The following CTNNA3 variants were observed in gnomAD, a reference collection of about 807,000 sequenced individuals.
The protein encoded by CTNNA3 is catenin alpha 3.
A neutral mutation model predicts 95.7 loss-of-function variants in CTNNA3; 76 were observed. That is an observed-to-expected ratio of 0.79 (90% CI 0.66 to 0.96). CTNNA3 has a LOEUF of 0.96. Ranked by LOEUF, CTNNA3 falls within the 40% of genes least tolerant of loss-of-function variation. CTNNA3 has a pLI of 0.00. For synonymous variants in CTNNA3, 431 were observed against 374.4 expected (o/e 1.15, Z -1.74); for missense variants, 1,191 against 1,089.8 (o/e 1.09, Z -1.31).
chr10:66,332,971 T>A (rs533606261), intron 12 of CTNNA3, among the ~76,000 whole-genome samples: 4 of 152,066 alleles, frequency 2.6e-5, no homozygotes, highest in Non-Finnish European at 4.4e-5. Context: ...TGTATGTGTC[T>A]AGGAATTTAT....
intron 17 of CTNNA3, among the ~76,000 whole-genome samples, chr10:65,942,331 A>G (rs555029121): frequency 1.3e-5 from 2 of 152,310 alleles, no homozygotes; most frequent in East Asian, 1.9e-4. Flanking sequence ...GATCGAGACC[A>G]TCCTGGCCAA....
intron 7 of CTNNA3, among the ~76,000 whole-genome samples, chr10:66,930,364 T>G (rs901491540): frequency 6.6e-6 from 1 of 152,210 alleles, no homozygotes; most frequent in Non-Finnish European, 1.5e-5. Context: ...CCTCACAGCT[T>G]ACTGGATGAC....
intron 11 of CTNNA3, among the ~76,000 whole-genome samples, chr10:66,465,145 C>T (rs1838859624): frequency 1.3e-5 from 2 of 152,036 alleles, no homozygotes; most frequent in South Asian, 4.1e-4. Context: ...CAAAATGTCC[C>T]AATAGATACA....
intron 9 of CTNNA3, among the ~76,000 whole-genome samples, chr10:66,645,407 G>A (rs550019560): frequency 7.2e-5 from 11 of 152,108 alleles, no homozygotes; most frequent in East Asian, 5.8e-4. Flanking sequence ...GACTTCGTTC[G>A]GAACTCATTT....
At chr10:66,403,414 T>A (rs926057003) in intron 11 of CTNNA3, among the ~76,000 whole-genome samples, 26 of 152,084 alleles carry the variant, frequency 1.7e-4, no homozygotes, top group African/African-American at 6.3e-4. Flanking sequence ...TCAAGAAACT[T>A]AAAATCATGG....
At chr10:66,830,544 C>G (rs1842676644) in intron 7 of CTNNA3, among the ~76,000 whole-genome samples, 1 of 152,080 alleles carries the variant, frequency 6.6e-6, no homozygotes, top group Non-Finnish European at 1.5e-5. Flanking sequence ...CAGCATAAAC[C>G]AATGCAGCAT....
intron 7 of CTNNA3, among the ~76,000 whole-genome samples, chr10:66,825,160 T>A (rs2132302809): frequency 6.7e-6 from 1 of 149,934 alleles, no homozygotes; most frequent in Non-Finnish European, 1.5e-5. Context: ...GAACAATGCT[T>A]GACATATAGT....
Position 66,459,238 on chromosome 10 carries a change from A to G in CTNNA3, c.1531+61379T>C, listed in dbSNP as rs190657664. Among the ~76,000 whole-genome samples the G allele has an allele frequency of 3.3e-5, 5 of 152,282 alleles. No individual in the cohort carries two copies. The East Asian group carries it at 9.6e-4, about 29-fold the overall frequency. On this transcript the variant is annotated intron_variant, in intron 11 of 17. Transcript: ENST00000433211. ...CTCTAGCTTTCTTTAAGAACACAGTATATAATACATACAACATACAAAATC... is the reference window on the plus strand; with the variant it reads ...CTCTAGCTTTCTTTAAGAACACAGTGTATAATACATACAACATACAAAATC...
chr10:66,091,093 T>C (rs1391142684), intron 14 of CTNNA3, among the ~76,000 whole-genome samples: 1 of 151,910 alleles, frequency 6.6e-6, no homozygotes, highest in Non-Finnish European at 1.5e-5. Flanking sequence ...GGACTAATAA[T>C]TCAACAATAT....
intron 7 of CTNNA3, among the ~76,000 whole-genome samples, chr10:67,120,812 A>T (rs1859428915): frequency 1.3e-5 from 2 of 152,068 alleles, no homozygotes; most frequent in South Asian, 4.1e-4. Context: ...AGTCTTTCCT[A>T]AACACAGAGA....
chr10:67,570,815 G>A (rs1217309257), intron 3 of CTNNA3, among the ~76,000 whole-genome samples: 2 of 152,068 alleles, frequency 1.3e-5, no homozygotes, highest in Non-Finnish European at 2.9e-5. Context: ...CACATCTTTG[G>A]TAATTTCTTT....
chr10:66,915,844 G>A (rs895508219), intron 7 of CTNNA3, among the ~76,000 whole-genome samples: 1 of 151,288 alleles, frequency 6.6e-6, no homozygotes, highest in Non-Finnish European at 1.5e-5. Flanking sequence ...TGCCTCCCGA[G>A]TTCAAGCGAT....
chr10:67,508,431 T>A (rs1839498271), intron 5 of CTNNA3, among the ~76,000 whole-genome samples: 1 of 152,212 alleles, frequency 6.6e-6, no homozygotes, highest in African/African-American at 2.4e-5. Flanking sequence ...CTTCAATAAG[T>A]GGGGTTGGGA....
intron 13 of CTNNA3, among the ~76,000 whole-genome samples, chr10:66,271,399 C>G (rs2091278207): frequency 6.6e-6 from 1 of 152,000 alleles, no homozygotes; most frequent in African/African-American, 2.4e-5. Flanking sequence ...GGTTAGCATT[C>G]CTTAAGAGTT....
chr10:67,542,737 G>T (rs1463387271), intron 3 of CTNNA3, among the ~76,000 whole-genome samples: 1 of 152,076 alleles, frequency 6.6e-6, no homozygotes, highest in African/African-American at 2.4e-5. Flanking sequence ...GATATACAAA[G>T]GAATGTTCTA....
chr10:67,505,085 C>CA lies in CTNNA3; in HGVS notation c.579+16756dup, dbSNP rs533856779. The stretch of plus-strand genomic sequence containing the variant: ...TAACAAATTGTACACTGCTGCCTAC[C>CA]AAAACTTCTGTTTATTCACATAATG... On this transcript the variant is annotated intron_variant, in intron 5 of 17. Coordinates refer to ENST00000433211, the MANE Select transcript of CTNNA3 (RefSeq NM_013266.4). 8.4e-4 allele frequency among the ~76,000 whole-genome samples: 128 copies of CA among 152,254 alleles called. 1 individual carries two copies. Among genetic ancestry groups the CA allele is most frequent in the African/African-American group, 3.0e-3 (123 of 41,558 alleles).
chr10:67,614,379 G>T (rs1239674230), intron 2 of CTNNA3, among the ~76,000 whole-genome samples: 1 of 152,132 alleles, frequency 6.6e-6, no homozygotes, highest in South Asian at 2.1e-4. Flanking sequence ...TAATATATAT[G>T]AAATAACTAT....
intron 13 of CTNNA3, among the ~76,000 whole-genome samples, chr10:66,257,472 T>C (rs924077670): frequency 6.6e-6 from 1 of 152,212 alleles, no homozygotes; most frequent in South Asian, 2.1e-4. Context: ...AATTACATGC[T>C]AATTTACAAC....
rs1235843715 is a variant in CTNNA3, at chr10:66,270,766, CAG to C, written c.1884+9702_1884+9703del. ...AGCTGACCTGAAGAGGCCTCCTGTG[CAG>C]AGTCTTGGAAGAGAGCATCACAGTT... On this transcript the variant is annotated intron_variant, in intron 13 of 17. Coordinates refer to ENST00000433211, the MANE Select transcript of CTNNA3 (RefSeq NM_013266.4). 2.0e-5 allele frequency among the ~76,000 whole-genome samples: 3 copies of C among 151,954 alleles called. No individual in the cohort carries two copies. In the East Asian group the frequency reaches 5.8e-4, roughly 29 times the overall value.
Sources: allele counts gnomAD v4.1 joint callset (sites outside exome capture counted in the v4.1 genomes callset), GRCh38; gene constraint gnomAD v4.1.1; transcripts MANE v1.5; gene names NCBI Gene and HGNC (gene_info 2026-07-23, HGNC 2026-07-21).